Variants in SLC14A2 observed in about 807,000 individuals in gnomAD.
The protein encoded by SLC14A2 is solute carrier family 14 member 2.
A neutral mutation model predicts 104.6 loss-of-function variants in SLC14A2; 91 were observed. The observed-to-expected ratio is 0.87, with a 90% CI of 0.73 to 1.04. The LOEUF (loss-of-function observed/expected upper bound fraction) is 1.04. Ranked by LOEUF, SLC14A2 falls within the 50% of genes least tolerant of loss-of-function variation. The probability of loss-of-function intolerance (pLI) is 0.00; values close to 1 mark genes in which losing one functional copy is unlikely to be tolerated. For missense variants in SLC14A2, 1,189 were observed against 1,156.0 expected (o/e 1.03, Z -0.41); for synonymous variants, 476 against 466.4 (o/e 1.02, Z -0.27).
chr18:45,289,791 G>T (rs1216566860), intron 1 of SLC14A2, among the ~76,000 whole-genome samples: 2 of 152,162 alleles, frequency 1.3e-5, no homozygotes, highest in Non-Finnish European at 2.9e-5. Flanking sequence ...AAGTGCCAAT[G>T]TGTCATGCAA....
chr18:45,225,341 A>G (rs1239117982), intron 1 of SLC14A2, among the ~76,000 whole-genome samples: 5 of 151,908 alleles, frequency 3.3e-5, no homozygotes, highest in African/African-American at 7.3e-5. Context: ...GTTCTGTTCC[A>G]TTGGTCTATA....
At chr18:45,635,278 G>A (rs1018827570) in intron 5 of SLC14A2, among the ~76,000 whole-genome samples, 4 of 152,184 alleles carry the variant, frequency 2.6e-5, no homozygotes, top group African/African-American at 9.7e-5. Flanking sequence ...TTCATCTATG[G>A]TACTAAAGGC....
At chr18:45,273,038 CTT>C (rs1293992300) in intron 1 of SLC14A2, among the ~76,000 whole-genome samples, 2 of 152,090 alleles carry the variant, frequency 1.3e-5, no homozygotes. Flanking sequence ...ACTTGACTGA[CTT>C]AAACTAAAGC....
intron 2 of SLC14A2, among the ~76,000 whole-genome samples, chr18:45,495,830 G>A (rs1026929267): frequency 6.6e-6 from 1 of 152,186 alleles, no homozygotes; most frequent in Admixed American, 6.5e-5. Context: ...AGAGCACAGA[G>A]AAAAGAGTGG....
intron 1 of SLC14A2, among the ~76,000 whole-genome samples, chr18:45,243,974 G>T (rs1480768793): frequency 1.3e-5 from 2 of 152,094 alleles, no homozygotes; most frequent in African/African-American, 4.8e-5. Context: ...TAATTAATGA[G>T]GTGTCTGATT....
chr18:45,232,698 TAATA>T (rs1257731669), intron 1 of SLC14A2, among the ~76,000 whole-genome samples: 7 of 152,240 alleles, frequency 4.6e-5, no homozygotes, highest in Non-Finnish European at 1.0e-4. Flanking sequence ...TTGTTACTTT[TAATA>T]AATCTGTCAT....
At chr18:45,272,921 C>T (rs1349864929) in intron 1 of SLC14A2, among the ~76,000 whole-genome samples, 1 of 152,020 alleles carries the variant, frequency 6.6e-6, no homozygotes, top group Non-Finnish European at 1.5e-5. Flanking sequence ...AAAATAAAAG[C>T]TACCTAAGCC....
chr18:45,258,749 G>A (rs1367544363), intron 1 of SLC14A2, among the ~76,000 whole-genome samples: 1 of 110,468 alleles, frequency 9.1e-6, no homozygotes, highest in Non-Finnish European at 1.9e-5. Context: ...GCTTTGACCA[G>A]TACTGAGATC....
chr18:45,169,871 C>T, the SLC14A2 span, among the ~76,000 whole-genome samples: 1 of 152,154 alleles, frequency 6.6e-6, no homozygotes, highest in Non-Finnish European at 1.5e-5. Flanking sequence ...CCCCAGGGAC[C>T]ACCCAGTATC....
At chr18:45,500,613 C>G (rs1028175251) in intron 2 of SLC14A2, among the ~76,000 whole-genome samples, 1 of 150,626 alleles carries the variant, frequency 6.6e-6, no homozygotes, top group African/African-American at 2.4e-5. Context: ...CTGCCCTTAT[C>G]CTGACGCATG....
At chr18:45,533,319 A>T (rs1222549787) in intron 2 of SLC14A2, among the ~76,000 whole-genome samples, 2 of 151,894 alleles carry the variant, frequency 1.3e-5, no homozygotes, top group African/African-American at 4.8e-5. Context: ...CTGTGAATCC[A>T]TCTGGTCCTG....
intron 1 of SLC14A2, among the ~76,000 whole-genome samples, chr18:45,265,866 G>A (rs1220590173): frequency 6.6e-6 from 1 of 152,150 alleles, no homozygotes; most frequent in African/African-American, 2.4e-5. Flanking sequence ...AATGTGTGCT[G>A]GGTATCATTT....
chr18:45,454,103 C>A lies in SLC14A2; in HGVS notation c.-124-29130C>A, dbSNP rs749107729. Reference sequence around the variant, plus strand: ...TCCAACTCCAGACTTCATGATCCACCCACCTCGGCCTCCCATAGTGCTGGG... The same window carrying A: ...TCCAACTCCAGACTTCATGATCCACACACCTCGGCCTCCCATAGTGCTGGG... On this transcript the variant is annotated intron_variant, in intron 1 of 20. Coordinates refer to the SLC14A2 transcript ENST00000586448. Among the ~76,000 whole-genome samples, 90 of 152,088 alleles carry A rather than the reference C, an allele frequency of 5.9e-4. 1 individual carries two copies. The highest frequency in any genetic ancestry group is 2.1e-4 in the Non-Finnish European group (14 of 68,014).
chr18:45,591,919 T>A (rs760497166), intron 2 of SLC14A2, among the ~76,000 whole-genome samples: 9 of 152,194 alleles, frequency 5.9e-5, no homozygotes, highest in Non-Finnish European at 1.3e-4. Context: ...CAGGCACTGG[T>A]AGACATGGGG....
At chr18:45,396,853 G>C (rs1472268483) in intron 1 of SLC14A2, among the ~76,000 whole-genome samples, 2 of 151,854 alleles carry the variant, frequency 1.3e-5, no homozygotes, top group East Asian at 3.9e-4. Flanking sequence ...CCCAGAGTCT[G>C]TTGTTCCCTT....
intron 10 of SLC14A2, among the ~76,000 whole-genome samples, chr18:45,649,828 C>A (rs1270392103): frequency 6.6e-6 from 1 of 152,230 alleles, no homozygotes; most frequent in African/African-American, 2.4e-5. Context: ...CAATCTCATT[C>A]TTTTTCCTTT....
intron 2 of SLC14A2, among the ~76,000 whole-genome samples, chr18:45,607,532 T>G (rs1278949512): frequency 6.6e-6 from 1 of 152,214 alleles, no homozygotes; most frequent in East Asian, 1.9e-4. Context: ...ATACCTTTTT[T>G]GGGTTCCTGC....
intron 14 of SLC14A2, 32 bp from the exon 15 acceptor site, chr18:45,668,317 C>T (rs769368308): frequency 6.8e-6 from 11 of 1,612,426 alleles, no homozygotes; most frequent in Non-Finnish European, 9.3e-6. Context: ...TGGGGAAGCC[C>T]CTGCTCCACC....
chr18:45,189,258 T>C, the SLC14A2 span, among the ~76,000 whole-genome samples: 7 of 152,358 alleles, frequency 4.6e-5, no homozygotes, highest in South Asian at 1.0e-3. Flanking sequence ...TCAATAATTA[T>C]GACTTCTGCA....
Sources: gnomAD v4.1 joint callset for allele counts (sites outside exome capture counted in the v4.1 genomes callset) on GRCh38, gnomAD v4.1.1 for gene constraint, MANE v1.5 for transcripts, NCBI Gene and HGNC (gene_info 2026-07-23, HGNC 2026-07-21) for gene names.